The following RAVER2 variants were observed in gnomAD, a reference collection of about 807,000 sequenced individuals.
The protein encoded by RAVER2 is ribonucleoprotein PTB-binding 2.
A neutral mutation model predicts 78.1 loss-of-function variants in RAVER2; 46 were observed. The observed-to-expected ratio is 0.59, with a 90% CI of 0.46 to 0.75. The LOEUF (loss-of-function observed/expected upper bound fraction) is 0.75, where lower values mean the gene tolerates loss of function less well. Ranked by LOEUF, RAVER2 falls within the 30% of genes least tolerant of loss-of-function variation. The pLI is 0.00. For missense variants in RAVER2, 793 were observed against 837.5 expected (o/e 0.95, Z 0.66); for synonymous variants, 311 against 313.3 (o/e 0.99, Z 0.08).
At chr1:64,817,413 A>G (rs1312415235) in intron 11 of RAVER2, among the ~76,000 whole-genome samples, 2 of 152,212 alleles carry the variant, frequency 1.3e-5, no homozygotes, top group Non-Finnish European at 2.9e-5. Context: ...GTATATACCC[A>G]AAGAATTATA....
At chr1:64,778,051 T>C (rs367571180) in exon 3 of RAVER2, 15 of 1,613,654 alleles carry the variant, frequency 9.3e-6, no homozygotes, top group Non-Finnish European at 1.2e-5. Context: ...AGAAGAGCTG[T>C]TGCAAATTTT....
chr1:64,797,706 A>AT (rs1038568566), intron 5 of RAVER2, among the ~76,000 whole-genome samples: 6 of 151,982 alleles, frequency 3.9e-5, no homozygotes, highest in African/African-American at 1.4e-4. Flanking sequence ...TTTGATCTGG[A>AT]TTTTTTTGAT....
intron 11 of RAVER2, among the ~76,000 whole-genome samples, chr1:64,829,382 A>G (rs928170026): frequency 1.3e-5 from 2 of 152,176 alleles, no homozygotes; most frequent in African/African-American, 4.8e-5. Context: ...AAGCTGCTAA[A>G]AAGAGTTCTT....
intron 4 of RAVER2, among the ~76,000 whole-genome samples, chr1:64,787,716 G>A (rs1244708239): frequency 6.6e-6 from 1 of 152,174 alleles, no homozygotes; most frequent in Non-Finnish European, 1.5e-5. Context: ...TCACTGGGGT[G>A]ATGCTGCTGT....
At chr1:64,811,358 G>A (rs531998291) in intron 9 of RAVER2, among the ~76,000 whole-genome samples, 8 of 152,072 alleles carry the variant, frequency 5.3e-5, no homozygotes, top group African/African-American at 1.9e-4. Context: ...GTGATGTCTC[G>A]TCATGCTTGC....
Position 64,826,244 on chromosome 1 carries a change from C to T in RAVER2, c.1930-4595C>T, listed in dbSNP as rs1449175299. On this transcript the variant is annotated intron_variant, in intron 11 of 11. Coordinates refer to ENST00000294428, the Ensembl canonical transcript of RAVER2. Reference sequence around the variant, plus strand: ...AAAATCCTTATAAGAATGGAACTTACATTTAGGGGAAAAAATTAGTAAAAG... The same window carrying T: ...AAAATCCTTATAAGAATGGAACTTATATTTAGGGGAAAAAATTAGTAAAAG... 5.9e-5 allele frequency among the ~76,000 whole-genome samples: 9 copies of T among 152,152 alleles called. No individual in the cohort carries two copies. In the South Asian group the frequency reaches 1.9e-3, roughly 32 times the overall value.
At position 64,745,687 on chromosome 1, in the gene RAVER2, G is replaced by T. The variant is rs1184061555; in HGVS notation, c.249+266G>T. 6.6e-6 allele frequency among the ~76,000 whole-genome samples: 1 copy of T among 152,078 alleles called. No homozygotes were observed. The highest frequency in any genetic ancestry group is 1.5e-5 in the Non-Finnish European group (1 of 68,004). ...GGGAATCAGGGGCTGCTGCCTCCAA[G>T]TTCGGCCCGGTCTTTCCTTCCCCTA... On this transcript the variant is annotated intron_variant, in intron 1 of 11. Transcript: ENST00000294428. The surrounding 1 kb of genome is among the most constrained non-coding windows in gnomAD (Gnocchi z 4.3).
chr1:64,753,168 C>T (rs1651746677), intron 1 of RAVER2, among the ~76,000 whole-genome samples: 1 of 152,174 alleles, frequency 6.6e-6, no homozygotes, highest in South Asian at 2.1e-4. Context: ...ATCCTTCTAC[C>T]TCAGTCTCCT....
At chr1:64,818,182 G>A (rs980215152) in intron 11 of RAVER2, among the ~76,000 whole-genome samples, 3 of 152,134 alleles carry the variant, frequency 2.0e-5, no homozygotes, top group African/African-American at 4.8e-5. Flanking sequence ...AACCTAATTG[G>A]CATTTCCATT....
At chr1:64,762,093 A>G (rs986317253) in intron 1 of RAVER2, among the ~76,000 whole-genome samples, 6 of 152,252 alleles carry the variant, frequency 3.9e-5, no homozygotes, top group Non-Finnish European at 8.8e-5. Flanking sequence ...TGTAAGGTCA[A>G]TGTACAAGTA....
At chr1:64,787,395 G>A (rs572149015) in intron 4 of RAVER2, among the ~76,000 whole-genome samples, 33 of 152,236 alleles carry the variant, frequency 2.2e-4, no homozygotes, top group African/African-American at 7.2e-4. Flanking sequence ...TTTAGGGAAG[G>A]GCAGGCAAGG....
chr1:64,764,920 G>A (rs1215889352), intron 1 of RAVER2, among the ~76,000 whole-genome samples: 1 of 152,132 alleles, frequency 6.6e-6, no homozygotes, highest in Non-Finnish European at 1.5e-5. Context: ...TTAACCACAT[G>A]TACAAAATAC....
At chr1:64,808,246 A>G (rs1653500415) in intron 9 of RAVER2, among the ~76,000 whole-genome samples, 2 of 152,086 alleles carry the variant, frequency 1.3e-5, no homozygotes, top group Admixed American at 6.6e-5. Flanking sequence ...AATTTTTATT[A>G]TATTTGTACC....
At chr1:64,794,592 T>G (rs538680537) in intron 5 of RAVER2, among the ~76,000 whole-genome samples, 86 of 152,236 alleles carry the variant, frequency 5.6e-4, no homozygotes, top group Non-Finnish European at 2.2e-4. Flanking sequence ...AATATTTCTT[T>G]TGACTAATGA....
intron 3 of RAVER2, among the ~76,000 whole-genome samples, chr1:64,779,981 C>T (rs973454858): frequency 6.6e-6 from 1 of 151,908 alleles, no homozygotes; most frequent in Non-Finnish European, 1.5e-5. Context: ...CTCTCTGAAA[C>T]TACTGATGCC....
intron 11 of RAVER2, chr1:64,816,144 TTTTA>T (rs1653751329): frequency 6.6e-6 from 1 of 152,148 alleles, no homozygotes; most frequent in Non-Finnish European, 1.5e-5. Flanking sequence ...TTTTTTGAAC[TTTTA>T]TTTCTTTTTA....
At chr1:64,787,346 G>A (rs1007370928) in intron 4 of RAVER2, among the ~76,000 whole-genome samples, 1 of 152,246 alleles carries the variant, frequency 6.6e-6, no homozygotes, top group East Asian at 1.9e-4. Flanking sequence ...TGGGGAAGGG[G>A]ATGGGCAGAG....
chr1:64,784,574 A>G (rs1346231667), intron 4 of RAVER2, among the ~76,000 whole-genome samples: 1 of 152,198 alleles, frequency 6.6e-6, no homozygotes, highest in African/African-American at 2.4e-5. Flanking sequence ...TTCCAAGCAT[A>G]TAATTTCAGA....
In RAVER2 at chr1:64,802,986, A is replaced by G. The variant is rs760748389; in HGVS notation, c.1116A>G (p.Gly372=). Residue 372 remains glycine (G), a synonymous_variant, in exon 6 of 12, where the codon GGA becomes GGG. Coordinates refer to ENST00000294428, the Ensembl canonical transcript of RAVER2. Reference sequence around the variant, plus strand: ...TTTATTTTCTCAAAGCCGTTCTTGGAACACCTCACAGCTTGCCACATCTGA... The same window carrying G: ...TTTATTTTCTCAAAGCCGTTCTTGGGACACCTCACAGCTTGCCACATCTGA... 7 of 1,603,284 alleles carry G rather than the reference A, an allele frequency of 4.4e-6. No homozygotes were observed. In the Admixed American group the frequency reaches 1.2e-4, roughly 27 times the overall value.
Sources: allele counts gnomAD v4.1 joint callset (sites outside exome capture counted in the v4.1 genomes callset), GRCh38; gene constraint gnomAD v4.1.1; non-coding constraint Gnocchi (gnomAD v3.1); transcripts MANE v1.5; gene names NCBI Gene and HGNC (gene_info 2026-07-23, HGNC 2026-07-21).